Variants in STK36 observed in about 807,000 individuals in gnomAD.
The protein encoded by STK36 is serine/threonine kinase 36, also known as serine/threonine-protein kinase 36.
STK36 carries 116 observed loss-of-function variants against 142.2 expected under a neutral mutation model. The ratio of observed to expected loss-of-function variants is 0.82; its 90% CI spans 0.70 to 0.95. STK36 has a LOEUF of 0.95. Among genes scored for constraint, STK36 ranks in the 40% least tolerant of loss-of-function variants. STK36 has a pLI of 0.00. For missense variants in STK36, 1,422 were observed against 1,617.2 expected (o/e 0.88, Z 2.07); for synonymous variants, 619 against 641.7 (o/e 0.96, Z 0.53).
intron 10 of STK36, among the ~76,000 whole-genome samples, chr2:218,683,634 T>C (rs1297339742): frequency 1.3e-5 from 2 of 152,174 alleles, no homozygotes; most frequent in Admixed American, 1.3e-4. Context: ...GTGCACAATG[T>C]GCAGGTTAGT....
chr2:218,676,139 A>G lies in STK36; in HGVS notation c.545A>G (p.Asp182Gly), dbSNP rs747879099. 2.5e-6 allele frequency: 4 copies of G among 1,614,006 alleles called. No individual in the cohort carries two copies. The East Asian group carries it at 8.9e-5, about 36-fold the overall frequency. Residue 182 changes from aspartate (D) to glycine (G), a missense_variant, in exon 6 of 27, where the codon GAC becomes GGC. This residue lies in a region of STK36 where 460 missense variants were observed against 449.6 expected (regional missense o/e 1.02). Coordinates refer to ENST00000295709, the MANE Select transcript of STK36 (RefSeq NM_015690.5). The stretch of plus-strand genomic sequence containing the variant: ...GAGCGACCATACGACCACACAGCGG[A>G]CCTCTGGTCTGTTGGCTGCATACTA... ...VEERPYDHTA[D>G]LWSVGCILYE...
In STK36 at chr2:218,693,906, A is replaced by G; in HGVS notation, c.2259A>G (p.Val753=). 6.2e-7 allele frequency: 1 copy of G among 1,614,246 alleles called. No individual in the cohort carries two copies. The highest frequency in any genetic ancestry group is 1.1e-5 in the South Asian group (1 of 91,090). The change falls in exon 19 of 27, where the codon GTA becomes GTG. Residue 753 remains valine (V), a synonymous_variant. Coordinates refer to ENST00000295709, the MANE Select transcript of STK36 (RefSeq NM_015690.5). ...GGTTTCCTTTGTAGGTAAAAGTAGT[A>G]GATTGGGAAGAGTCTACTGAAGTGA... ...FMLIQGKVKV[V]DWEESTEVTL... is the part of the protein sequence containing the mutation.
chr2:218,672,772 T>C lies in STK36; in HGVS notation c.-58T>C. The C allele has an allele frequency of 1.3e-6, 2 of 1,563,894 alleles. No individual in the cohort carries two copies. The highest frequency in any genetic ancestry group is 4.5e-5 in the East Asian group (2 of 44,628). On this transcript the variant is annotated 5_prime_UTR_variant, in exon 2 of 27. Coordinates refer to ENST00000295709, the MANE Select transcript of STK36 (RefSeq NM_015690.5). ...CAGATGTTGTGGAACTGTCCCTGGA[T>C]CTATAGCTCTTCACCGTCTCTACTT...
At position 218,675,408 on chromosome 2, in the gene STK36, C is replaced by G; in HGVS notation, c.369C>G (p.His123Gln). The change falls in exon 5 of 27, where the codon CAC becomes CAG. Residue 123 changes from histidine to glutamine, a missense_variant. His to Gln is a conservative substitution (Grantham distance 24, BLOSUM62 0). This residue lies in a region of STK36 where 460 missense variants were observed against 449.6 expected (regional missense o/e 1.02). Coordinates refer to ENST00000295709, the MANE Select transcript of STK36 (RefSeq NM_015690.5). ...LYYLHSHRILHRDMKPQNILL... is the reference protein window; with the variant it reads ...LYYLHSHRILQRDMKPQNILL... ...ATCTGCATTCCCACCGCATCCTACA[C>G]CGAGATATGAAGCCTCAGAACATCC... The G allele has an allele frequency of 6.2e-7, 1 of 1,613,914 alleles. No homozygotes were observed. Among genetic ancestry groups the G allele is most frequent in the South Asian group, 1.1e-5 (1 of 91,056 alleles).
intron 18 of STK36, 27 bp downstream of exon 18, chr2:218,693,848 A>C (rs758175846): frequency 3.1e-6 from 5 of 1,614,172 alleles, no homozygotes; most frequent in Non-Finnish European, 4.2e-6. Context: ...TGGCAGCCCC[A>C]CTGTCTCAGC....
Position 218,690,459 on chromosome 2 carries a change from G to A in STK36, c.1668G>A (p.Val556=), listed in dbSNP as rs776111367. The A allele has an allele frequency of 1.1e-5, 18 of 1,613,938 alleles. No individual in the cohort carries two copies. Among genetic ancestry groups the A allele is most frequent in the Non-Finnish European group, 1.4e-5 (17 of 1,179,976 alleles). ...CATTTTCCACCCCCAGCCTGCAGGT[G>A]TTTCAGGAGGCTGCCAACCTTTTTC... ...ERSQTSDSLQ[V]FQEAANLFLD... Residue 556 remains valine (V), a synonymous_variant, in exon 14 of 27, where the codon GTG becomes GTA. Transcript: ENST00000295709.
chr2:218,701,751 T>C, intron 26 of STK36, 115 bp from the exon 27 acceptor site: 1 of 1,327,056 alleles, frequency 7.5e-7, no homozygotes. Context: ...ATTTCCTTTT[T>C]CTTCCTCTTC....
Position 218,672,855 on chromosome 2 carries a change from T to C in STK36, c.26T>C (p.Met9Thr), listed in dbSNP as rs1409078220. MEKYHVLE[M>T]IGEGSFGRVY... ...ATGGAAAAGTACCACGTGTTGGAGATGATTGGAGAAGGCTCTTTTGGGAGG... is the reference window on the plus strand; with the variant it reads ...ATGGAAAAGTACCACGTGTTGGAGACGATTGGAGAAGGCTCTTTTGGGAGG... The change falls in exon 2 of 27, where the codon ATG (methionine) becomes ACG (threonine). Residue 9 changes from methionine to threonine, a missense_variant. Physicochemically the swap from Met to Thr is moderately conservative, Grantham distance 81 (BLOSUM62 -1). This residue lies in a region of STK36 where 460 missense variants were observed against 449.6 expected (regional missense o/e 1.02). Transcript: ENST00000295709. 2.5e-6 allele frequency: 4 copies of C among 1,614,022 alleles called. No individual in the cohort carries two copies. The African/African-American group carries it at 5.3e-5, about 22-fold the overall frequency.
rs528349500 is a variant in STK36, at chr2:218,680,067, C to A, written c.1123C>A (p.Pro375Thr). The stretch of plus-strand genomic sequence containing the variant: ...GGCTAAATCAGGGACTGGAGAGGTG[C>A]CCTCTGCACCTCGGTGAGAAGGGTA... ...SWAKSGTGEVPSAPRENRTTP... is the reference protein window; with the variant it reads ...SWAKSGTGEVTSAPRENRTTP... Residue 375 changes from proline (P) to threonine (T), a missense_variant, in exon 9 of 27, where the codon CCC (proline) becomes ACC (threonine). By Grantham distance (38) the Pro-to-Thr change is conservative. Coordinates refer to ENST00000295709, the MANE Select transcript of STK36 (RefSeq NM_015690.5). 1 of 1,614,014 alleles carries A rather than the reference C, an allele frequency of 6.2e-7. No homozygotes were observed. Among genetic ancestry groups the A allele is most frequent in the South Asian group, 1.1e-5 (1 of 91,062 alleles).
chr2:218,685,571 T>C (rs1043262316), intron 11 of STK36, among the ~76,000 whole-genome samples: 25 of 152,180 alleles, frequency 1.6e-4, no homozygotes, highest in Non-Finnish European at 3.1e-4. Flanking sequence ...TTGATGAAAT[T>C]AAAAATATAA....
chr2:218,690,688 A>G, intron 14 of STK36, 133 bp downstream of exon 14: 1 of 719,334 alleles, frequency 1.4e-6, no homozygotes, highest in South Asian at 1.7e-5. Context: ...ACCATGCCAT[A>G]TGCCATGTGA....
chr2:218,676,305 T>C (rs1196078518), intron 6 of STK36, 27 bp downstream of exon 6: 2 of 1,611,278 alleles, frequency 1.2e-6, no homozygotes, highest in Non-Finnish European at 1.7e-6. Context: ...GGGAGATGAC[T>C]TTTACATTAG....
chr2:218,683,696 T>G (rs1474933354), intron 10 of STK36, among the ~76,000 whole-genome samples: 1 of 152,208 alleles, frequency 6.6e-6, no homozygotes. Flanking sequence ...TAACTCGTCA[T>G]CTAGCATTAG....
intron 14 of STK36, among the ~76,000 whole-genome samples, chr2:218,690,949 G>A (rs531625878): frequency 2.0e-4 from 31 of 152,290 alleles, no homozygotes; most frequent in African/African-American, 4.8e-4. Flanking sequence ...AGTTTGCCAC[G>A]TAAATGAGGC....
chr2:218,699,004 C>T lies in STK36; in HGVS notation c.3460C>T (p.Leu1154Phe). Residue 1154 changes from leucine to phenylalanine, a missense_variant, in exon 26 of 27, where the codon CTC becomes TTC. Coordinates refer to ENST00000295709, the MANE Select transcript of STK36 (RefSeq NM_015690.5). ...GGCACTGCAGAGCCAGTCTGGACTG[C>T]TCAGCCTTCTGCTGCTTGGGCTTGG... ...RGALQSQSGL[L>F]SLLLLGLGDK... 1 of 1,614,166 alleles carries T rather than the reference C, an allele frequency of 6.2e-7. No homozygotes were observed.
At chr2:218,680,573 C>G in intron 9 of STK36, 30 bp from the exon 10 acceptor site, 1 of 1,581,466 alleles carries the variant, frequency 6.3e-7, no homozygotes. Flanking sequence ...AGGTTTGGAA[C>G]CCGTTCTACC....
At chr2:218,677,865 A>G (rs1304019022) in intron 6 of STK36, among the ~76,000 whole-genome samples, 1 of 152,174 alleles carries the variant, frequency 6.6e-6, no homozygotes, top group Non-Finnish European at 1.5e-5. Flanking sequence ...ATCTCGGCTC[A>G]CTGCAAGCTC....
chr2:218,676,126 G>C lies in STK36; in HGVS notation c.532G>C (p.Asp178His), dbSNP rs779969325. The change falls in exon 6 of 27, where the codon GAC becomes CAC. Residue 178 changes from aspartate to histidine, a missense_variant. Physicochemically the swap from Asp to His is moderately conservative, Grantham distance 81 (BLOSUM62 -1). Coordinates refer to ENST00000295709, the MANE Select transcript of STK36 (RefSeq NM_015690.5). ...SPELVEERPYDHTADLWSVGC... is the reference protein window; with the variant it reads ...SPELVEERPYHHTADLWSVGC... ...AGAGCTGGTGGAGGAGCGACCATAC[G>C]ACCACACAGCGGACCTCTGGTCTGT... 13 of 1,614,000 alleles carry C rather than the reference G, an allele frequency of 8.1e-6. No individual in the cohort carries two copies. The highest frequency in any genetic ancestry group is 1.3e-5 in the African/African-American group (1 of 74,980).
chr2:218,680,579 C>T, intron 9 of STK36, 24 bp from the exon 10 acceptor site: 1 of 1,596,522 alleles, frequency 6.3e-7, no homozygotes, highest in Non-Finnish European at 8.6e-7. Context: ...GGAACCCGTT[C>T]TACCCCTTGG....
Sources: allele counts gnomAD v4.1 joint callset (sites outside exome capture counted in the v4.1 genomes callset), GRCh38; gene constraint gnomAD v4.1.1; regional missense constraint gnomAD v4.1.1; transcripts MANE v1.5; gene names NCBI Gene and HGNC (gene_info 2026-07-23, HGNC 2026-07-21).